The following ACTR3C variants were observed in gnomAD, a reference collection of about 807,000 sequenced individuals.
The protein encoded by ACTR3C is actin related protein 3C, also known as actin-related protein 3C.
In ACTR3C, 18 loss-of-function variants were observed where a neutral mutation model predicts 26.3. The observed-to-expected ratio is 0.68, with a 90% CI of 0.47 to 1.01. The LOEUF (loss-of-function observed/expected upper bound fraction) is 1.01, where lower values mean the gene tolerates loss of function less well. Ranked by LOEUF, ACTR3C falls within the 50% of genes least tolerant of loss-of-function variation. The probability of loss-of-function intolerance (pLI) is 0.00; values close to 1 mark genes in which losing one functional copy is unlikely to be tolerated. For missense variants in ACTR3C, 184 were observed against 250.7 expected (o/e 0.73, Z 1.80); for synonymous variants, 55 against 94.5 (o/e 0.58, Z 2.42).
At chr7:149,920,068 A>G in the ACTR3C span, among the ~76,000 whole-genome samples, 1 of 152,012 alleles carries the variant, frequency 6.6e-6, no homozygotes, top group African/African-American at 2.4e-5. Flanking sequence ...TTATTTCTCC[A>G]AGAAAGATTA....
chr7:150,014,688 G>A, the ACTR3C span, among the ~76,000 whole-genome samples: 14 of 151,932 alleles, frequency 9.2e-5, no homozygotes, highest in African/African-American at 1.9e-4. Flanking sequence ...GTCCACAGGC[G>A]GTTGTTACCT....
At chr7:150,047,811 G>A in the ACTR3C span, 89 of 1,531,006 alleles carry the variant, frequency 5.8e-5, 1 homozygote, top group Non-Finnish European at 7.4e-5. Flanking sequence ...GAAGGACCTC[G>A]AGGTGTTGAT....
the ACTR3C span, among the ~76,000 whole-genome samples, chr7:150,164,652 A>T: frequency 1.3e-5 from 2 of 152,156 alleles, no homozygotes; most frequent in African/African-American, 4.8e-5. Flanking sequence ...GGAGTGTAAT[A>T]ACTTGTGCTG....
the ACTR3C span, among the ~76,000 whole-genome samples, chr7:150,012,612 A>C: frequency 6.7e-6 from 1 of 149,986 alleles, no homozygotes; most frequent in African/African-American, 2.5e-5. Context: ...AACGCACCCA[A>C]GGCATCTTTT....
chr7:150,157,949 G>C, the ACTR3C span, among the ~76,000 whole-genome samples: 2 of 152,210 alleles, frequency 1.3e-5, no homozygotes, highest in African/African-American at 4.8e-5. Context: ...CTAGAAAGCA[G>C]AGAATTAATA....
At chr7:150,042,736 C>G in the ACTR3C span, among the ~76,000 whole-genome samples, 1 of 151,640 alleles carries the variant, frequency 6.6e-6, no homozygotes, top group African/African-American at 2.4e-5. Context: ...TGCCAAGGCC[C>G]TCTAATAGGG....
chr7:150,289,385 A>C, intron 4 of ACTR3C, 65 bp downstream of exon 4: 1 of 1,487,582 alleles, frequency 6.7e-7, no homozygotes, highest in South Asian at 1.4e-5. Flanking sequence ...GATGGCACCA[A>C]GGGGAAGTGT....
the ACTR3C span, among the ~76,000 whole-genome samples, chr7:150,179,541 G>C: frequency 0.18 from 25,867 of 147,232 alleles, 4,504 homozygotes; most frequent in African/African-American, 0.43. Context: ...GGTTCTCACC[G>C]AGACTGAAGT....
chr7:150,176,106 A>G, the ACTR3C span, among the ~76,000 whole-genome samples: 2 of 150,770 alleles, frequency 1.3e-5, no homozygotes, highest in Admixed American at 1.3e-4. Flanking sequence ...ACAAAAATAC[A>G]TGGCAAAAAA....
the ACTR3C span, among the ~76,000 whole-genome samples, chr7:150,034,950 G>A: frequency 1.4e-5 from 2 of 147,048 alleles, no homozygotes; most frequent in African/African-American, 5.0e-5. Context: ...GCGGAAGAGG[G>A]GATAACTCTC....
the ACTR3C span, among the ~76,000 whole-genome samples, chr7:149,991,423 G>A: frequency 1.3e-5 from 2 of 152,206 alleles, no homozygotes; most frequent in Admixed American, 1.3e-4. Flanking sequence ...GGGTGATGAG[G>A]AAAGGCTGGT....
chr7:150,183,696 C>CAAA, the ACTR3C span, among the ~76,000 whole-genome samples: 751 of 47,952 alleles, frequency 0.016, 59 homozygotes, highest in African/African-American at 0.049. Flanking sequence ...GTGGCTATGG[C>CAAA]AAAAAAAAAA....
chr7:149,998,682 T>C, the ACTR3C span, among the ~76,000 whole-genome samples: 1 of 150,258 alleles, frequency 6.7e-6, no homozygotes, highest in Non-Finnish European at 1.5e-5. Context: ...TTCTCCAACA[T>C]AATCCAACAG....
the ACTR3C span, among the ~76,000 whole-genome samples, chr7:150,042,082 C>T: frequency 4.3e-4 from 39 of 91,460 alleles, 3 homozygotes; most frequent in African/African-American, 1.4e-3. Context: ...GTCTGGCTCT[C>T]AGTCCCTGCC....
the ACTR3C span, among the ~76,000 whole-genome samples, chr7:150,221,056 G>A: frequency 2.0e-5 from 3 of 152,270 alleles, no homozygotes; most frequent in Non-Finnish European, 4.4e-5. Context: ...CGGAGGAGGA[G>A]CTGGGACGGC....
the ACTR3C span, among the ~76,000 whole-genome samples, chr7:150,149,411 G>A: frequency 6.6e-6 from 1 of 151,024 alleles, no homozygotes; most frequent in Non-Finnish European, 1.5e-5. Context: ...TTATTACATA[G>A]GTATACGTGT....
the ACTR3C span, among the ~76,000 whole-genome samples, chr7:149,975,052 T>C: frequency 6.6e-6 from 1 of 152,156 alleles, no homozygotes. Flanking sequence ...GCGAGGTATA[T>C]TAGGGATTAT....
At chr7:150,077,490 T>C in the ACTR3C span, among the ~76,000 whole-genome samples, 1 of 152,126 alleles carries the variant, frequency 6.6e-6, no homozygotes, top group Non-Finnish European at 1.5e-5. Context: ...TCGTGCAATC[T>C]TCACAAGGTG....
intron 1 of ACTR3C, 90 bp from the exon 2 acceptor site, chr7:150,295,437 A>G (rs1156962662): frequency 7.5e-7 from 1 of 1,325,836 alleles, no homozygotes; most frequent in Non-Finnish European, 1.1e-6. Flanking sequence ...AAAGTATGTT[A>G]GCGAGGACAT....
Sources: gnomAD v4.1 joint callset for allele counts (sites outside exome capture counted in the v4.1 genomes callset) on GRCh38, gnomAD v4.1.1 for gene constraint, MANE v1.5 for transcripts, NCBI Gene and HGNC (gene_info 2026-07-23, HGNC 2026-07-21) for gene names.